Variants in MGARP observed in about 807,000 individuals in gnomAD.
The protein encoded by MGARP is mitochondria localized glutamic acid rich protein, also known as protein MGARP.
Under a neutral mutation model 11.0 loss-of-function variants are expected in MGARP, and 12 were observed. That is an observed-to-expected ratio of 1.09 (90% CI 0.70 to 1.77). The LOEUF (loss-of-function observed/expected upper bound fraction) is 1.77, where lower values mean the gene tolerates loss of function less well. Ranked by LOEUF, MGARP falls within the 40% of genes most tolerant of loss-of-function variation. MGARP has a pLI of 0.00. For synonymous variants in MGARP, 110 were observed against 115.4 expected, an observed-to-expected ratio of 0.95 and a Z score of 0.30; for missense variants, 283 against 297.8, an observed-to-expected ratio of 0.95 and a Z score of 0.36.
At chr4:139,272,902 G>T (rs1164876363) in intron 2 of MGARP, among the ~76,000 whole-genome samples, 2 of 151,746 alleles carry the variant, frequency 1.3e-5, no homozygotes, top group Non-Finnish European at 2.9e-5. Flanking sequence ...TGACCAGGCT[G>T]GTCTTGAACT....
At chr4:139,268,787 G>C in intron 2 of MGARP, 22 bp from the exon 3 acceptor site, 1 of 1,554,348 alleles carries the variant, frequency 6.4e-7, no homozygotes, top group Non-Finnish European at 8.8e-7. Flanking sequence ...TGTATGCTTA[G>C]GTTTATTTCT....
Position 139,280,089 on chromosome 4 carries a change from G to A in MGARP, c.70C>T (p.Leu24Phe). 4 of 1,612,146 alleles carry A rather than the reference G, an allele frequency of 2.5e-6. No homozygotes were observed. Among genetic ancestry groups the A allele is most frequent in the Non-Finnish European group, 2.5e-6 (3 of 1,179,696 alleles). ...CCTCCTTACTCACCGTCCTTTCCGA[G>A]CGGCGCGGGGTTGGGGGGCGCCCTC... The part of the protein sequence containing the change: ...PLRAPPNPAP[L>F]GKDASLRRMS... Residue 24 changes from leucine (L) to phenylalanine (F), a missense_variant, in exon 1 of 4, where the codon CTC (leucine) becomes TTC (phenylalanine). Coordinates refer to ENST00000398955, the MANE Select transcript of MGARP (RefSeq NM_032623.4).
At position 139,266,725 on chromosome 4, in the gene MGARP, G is replaced by C; in HGVS notation, c.597C>G (p.Asn199Lys). Residue 199 changes from asparagine (N) to lysine (K), a missense_variant, in exon 4 of 4, where the codon AAC becomes AAG. Coordinates refer to ENST00000398955, the MANE Select transcript of MGARP (RefSeq NM_032623.4). ...TIDNDKDTTK[N>K]ETSDEYAELE... is the part of the protein sequence containing the mutation. ...GTTCAGCATATTCATCAGAGGTTTC[G>C]TTCTTTGTTGTATCTTTATCATTAT... The C allele has an allele frequency of 6.2e-7, 1 of 1,614,074 alleles. No individual in the cohort carries two copies. Among genetic ancestry groups the C allele is most frequent in the Non-Finnish European group, 8.5e-7 (1 of 1,180,000 alleles).
At chr4:139,275,459 T>A (rs1441369267) in intron 1 of MGARP, 67 bp from the exon 2 acceptor site, 2 of 1,306,100 alleles carry the variant, frequency 1.5e-6, no homozygotes, top group African/African-American at 3.0e-5. Flanking sequence ...AATAATTACA[T>A]CTTTCAAAAT....
intron 2 of MGARP, among the ~76,000 whole-genome samples, chr4:139,270,026 G>T (rs1389345883): frequency 1.3e-5 from 2 of 152,154 alleles, no homozygotes; most frequent in Non-Finnish European, 2.9e-5. Flanking sequence ...TCGGGGCCGG[G>T]TGCAATGGTC....
At chr4:139,271,082 A>C (rs1744773949) in intron 2 of MGARP, among the ~76,000 whole-genome samples, 1 of 152,248 alleles carries the variant, frequency 6.6e-6, no homozygotes, top group East Asian at 1.9e-4. Flanking sequence ...AGCACAGTCG[A>C]GCACAGAGTA....
chr4:139,280,150 G>T lies in MGARP; in HGVS notation c.9C>A (p.Leu3=). Residue 3 remains leucine, a synonymous_variant, in exon 1 of 4, where the codon CTC becomes CTA. Transcript: ENST00000398955. MY[L]RRAVSKTLAL... ...CCAGAGTCTTGGAGACCGCCCTGCGGAGATACATCGCGCCCGCTGTCCGCC... is the reference window on the plus strand; with the variant it reads ...CCAGAGTCTTGGAGACCGCCCTGCGTAGATACATCGCGCCCGCTGTCCGCC... 6.2e-7 allele frequency: 1 copy of T among 1,609,194 alleles called. No individual in the cohort carries two copies. Among genetic ancestry groups the T allele is most frequent in the Non-Finnish European group, 8.5e-7 (1 of 1,178,734 alleles).
chr4:139,276,326 A>G (rs1236791754), intron 1 of MGARP, among the ~76,000 whole-genome samples: 6 of 152,216 alleles, frequency 3.9e-5, no homozygotes, highest in African/African-American at 1.4e-4. Context: ...GTATGAACAT[A>G]CAAATAATTG....
intron 2 of MGARP, among the ~76,000 whole-genome samples, chr4:139,273,332 A>G (rs1579048568): frequency 1.3e-5 from 2 of 151,474 alleles, no homozygotes. Flanking sequence ...CGATCCTCCC[A>G]TCAAAGCCTC....
intron 1 of MGARP, among the ~76,000 whole-genome samples, chr4:139,279,303 A>G (rs1744918656): frequency 6.6e-6 from 1 of 152,190 alleles, no homozygotes; most frequent in Non-Finnish European, 1.5e-5. Context: ...TTTTTATTTA[A>G]TAAGCCTCCA....
At chr4:139,271,487 T>G (rs1744780851) in intron 2 of MGARP, among the ~76,000 whole-genome samples, 1 of 152,102 alleles carries the variant, frequency 6.6e-6, no homozygotes, top group Non-Finnish European at 1.5e-5. Flanking sequence ...GATTGCGCCA[T>G]CGCACTCCAG....
Position 139,266,694 on chromosome 4 carries a change from C to A in MGARP, c.628G>T (p.Glu210Ter), listed in dbSNP as rs1227142647. 1.9e-6 allele frequency: 3 copies of A among 1,614,136 alleles called. No homozygotes were observed. The highest frequency in any genetic ancestry group is 2.5e-6 in the Non-Finnish European group (3 of 1,180,008). Residue 210 changes from glutamate (E) to a stop codon, truncating the protein, a stop_gained, in exon 4 of 4, where the codon GAA becomes TAA. Coordinates refer to ENST00000398955, the MANE Select transcript of MGARP (RefSeq NM_032623.4). LOFTEE classifies it low-confidence loss of function (END_TRUNC). ...ETSDEYAELE[E>*]ENSPAESESS... Reference sequence around the variant, plus strand: ...TCTGACTCAGCTGGAGAATTTTCTTCTTCTAGTTCAGCATATTCATCAGAG... The same window carrying A: ...TCTGACTCAGCTGGAGAATTTTCTTATTCTAGTTCAGCATATTCATCAGAG...
At position 139,279,946 on chromosome 4, in the gene MGARP, C is replaced by T. The variant is rs535275335; in HGVS notation, c.82+131G>A. On this transcript the variant is annotated intron_variant, in intron 1 of 3. Coordinates refer to ENST00000398955, the MANE Select transcript of MGARP (RefSeq NM_032623.4). ...TCCCGGGAGTCTCCCCCAGTCTCCTCGACCTCCAATCCAGGCTTCTGCTGC... is the reference window on the plus strand; with the variant it reads ...TCCCGGGAGTCTCCCCCAGTCTCCTTGACCTCCAATCCAGGCTTCTGCTGC... 5.3e-4 allele frequency: 497 copies of T among 929,272 alleles called. 1 individual carries two copies. The highest frequency in any genetic ancestry group is 7.8e-4 in the Admixed American group (36 of 46,426). 57.6% of individuals were successfully genotyped at this position (929,272 alleles called of 1,614,324 possible).
chr4:139,272,551 T>G (rs1744800047), intron 2 of MGARP, among the ~76,000 whole-genome samples: 1 of 102,072 alleles, frequency 9.8e-6, no homozygotes, highest in African/African-American at 4.9e-5. Context: ...AGCGAGACTC[T>G]GTCCCCTCCC....
Position 139,272,561 on chromosome 4 carries a change from C to CAA in MGARP, c.186+2726_186+2727dup, listed in dbSNP as rs35412789. Among the ~76,000 whole-genome samples, 41 of 109,316 alleles carry CAA rather than the reference C, an allele frequency of 3.8e-4. 1 individual carries two copies. The highest frequency in any genetic ancestry group is 5.3e-3 in the Middle Eastern group (1 of 190). The allele number at this position is 109,316 out of a possible 152,430, so 71.7% of individuals were successfully genotyped here. A position where few individuals can be genotyped will look rare whatever the true frequency, so the allele number is the denominator to read the frequency against. On this transcript the variant is annotated intron_variant, in intron 2 of 3. Coordinates refer to ENST00000398955, the MANE Select transcript of MGARP (RefSeq NM_032623.4). ...ACGAGAGCGAGACTCTGTCCCCTCC[C>CAA]AAAAAAAAAAAAAAAAAAATTCTGA...
chr4:139,275,219 T>A, intron 2 of MGARP, 70 bp downstream of exon 2: 1 of 1,239,104 alleles, frequency 8.1e-7, no homozygotes, highest in Non-Finnish European at 1.2e-6. Flanking sequence ...GATCTTGACG[T>A]TGCTTTGAGC....
intron 2 of MGARP, among the ~76,000 whole-genome samples, chr4:139,274,260 G>A (rs1319771908): frequency 6.6e-6 from 1 of 152,050 alleles, no homozygotes; most frequent in East Asian, 1.9e-4. Context: ...ACAACGCAAA[G>A]AGTGGATCCT....
intron 1 of MGARP, among the ~76,000 whole-genome samples, chr4:139,279,553 A>G (rs188166071): frequency 2.6e-5 from 4 of 152,254 alleles, no homozygotes; most frequent in African/African-American, 7.2e-5. Flanking sequence ...TATTTACCCC[A>G]CGAACATTCG....
chr4:139,271,862 G>C (rs991783357), intron 2 of MGARP, among the ~76,000 whole-genome samples: 1 of 152,134 alleles, frequency 6.6e-6, no homozygotes, highest in Non-Finnish European at 1.5e-5. Flanking sequence ...GGCCAGAAAG[G>C]GTTCTCAGGG....
Sources: gnomAD v4.1 joint callset for allele counts (sites outside exome capture counted in the v4.1 genomes callset) on GRCh38, gnomAD v4.1.1 for gene constraint, MANE v1.5 for transcripts, NCBI Gene and HGNC (gene_info 2026-07-23, HGNC 2026-07-21) for gene names.